PCDHA2: variants seen among roughly 807,000 people sequenced by gnomAD.
PCDHA2 encodes protocadherin alpha-2.
In PCDHA2, 58 loss-of-function variants were observed where a neutral mutation model predicts 66.0. The observed-to-expected ratio is 0.88, with a 90% confidence interval of 0.71 to 1.09. The LOEUF (loss-of-function observed/expected upper bound fraction) is 1.09, where lower values mean the gene tolerates loss of function less well. PCDHA2 is among the 50% of genes least tolerant of loss of function. The pLI, the probability that PCDHA2 is intolerant of heterozygous loss-of-function variation, is 0.00. For missense variants in PCDHA2, 1,267 were observed against 1,242.3 expected (o/e 1.02, Z -0.30); for synonymous variants, 634 against 554.0 (o/e 1.14, Z -2.03).
intron 1 of PCDHA2, among the ~76,000 whole-genome samples, chr5:140,832,941 C>T (rs1455354845): frequency 6.6e-6 from 1 of 152,044 alleles, no homozygotes; most frequent in Non-Finnish European, 1.5e-5. Flanking sequence ...AAGAGAGTAA[C>T]TTAAGTGAGT....
intron 1 of PCDHA2, chr5:140,861,340 C>T (rs1364602007): frequency 3.6e-6 from 1 of 276,532 alleles, no homozygotes; most frequent in African/African-American, 2.2e-5. Context: ...TGGAAGAGGC[C>T]AAGGACGGCA....
At chr5:140,850,010 G>C in intron 1 of PCDHA2, 1 of 1,597,002 alleles carries the variant, frequency 6.3e-7, no homozygotes. Flanking sequence ...GCTCGCTGTC[G>C]AGCTACGTGT....
At chr5:140,968,626 T>C in intron 1 of PCDHA2, 1 of 1,614,156 alleles carries the variant, frequency 6.2e-7, no homozygotes. Context: ...ATGCTTGGCT[T>C]TTTTACCATC....
intron 1 of PCDHA2, chr5:140,803,134 G>A (rs782496418): frequency 6.2e-7 from 1 of 1,613,802 alleles, no homozygotes; most frequent in South Asian, 1.1e-5. Context: ...CCGCGCCATC[G>A]CCTACTGGTG....
chr5:140,840,744 A>T (rs2150309255), intron 1 of PCDHA2, among the ~76,000 whole-genome samples: 1 of 152,224 alleles, frequency 6.6e-6, no homozygotes, highest in Non-Finnish European at 1.5e-5. Flanking sequence ...ATTTAACAAT[A>T]AGAACACAAG....
chr5:140,960,249 T>C (rs2095534563), intron 1 of PCDHA2, among the ~76,000 whole-genome samples: 1 of 152,210 alleles, frequency 6.6e-6, no homozygotes, highest in African/African-American at 2.4e-5. Flanking sequence ...AGAAGCTTCC[T>C]GGAGCTTCTG....
chr5:140,861,028 C>G (rs954598633), intron 1 of PCDHA2: 1 of 152,238 alleles, frequency 6.6e-6, no homozygotes, highest in African/African-American at 2.4e-5. Context: ...CGCACCCGGC[C>G]GAAAGGTATT....
chr5:140,803,374 C>T (rs2149969704), intron 1 of PCDHA2: 4 of 1,614,184 alleles, frequency 2.5e-6, no homozygotes, highest in Non-Finnish European at 3.4e-6. Flanking sequence ...TGCTCCGCGC[C>T]GCCAACCGAA....
At chr5:140,831,362 A>ATG (rs2150193991) in intron 1 of PCDHA2, 80,403 of 149,344 alleles carry the variant, frequency 0.54, 21,753 homozygotes, top group Middle Eastern at 0.63. Flanking sequence ...ACTATTTTGT[A>ATG]TGTGTGTGTG....
chr5:140,860,800 C>G (rs1270356784), intron 1 of PCDHA2: 1 of 152,198 alleles, frequency 6.6e-6, no homozygotes, highest in East Asian at 1.9e-4. Flanking sequence ...TGCAGTGGCA[C>G]GATCTCGGCT....
chr5:140,869,819 A>G, intron 1 of PCDHA2: 1 of 1,612,282 alleles, frequency 6.2e-7, no homozygotes, highest in Non-Finnish European at 8.5e-7. Context: ...AACGACAATG[A>G]TCCAGAGTTT....
intron 1 of PCDHA2, among the ~76,000 whole-genome samples, chr5:140,942,516 G>C (rs1172442572): frequency 2.0e-5 from 3 of 152,004 alleles, no homozygotes; most frequent in African/African-American, 7.3e-5. Flanking sequence ...AAACTCAGAG[G>C]GGAAGCAACT....
chr5:140,981,033 GA>G (rs148859655), intron 2 of PCDHA2, among the ~76,000 whole-genome samples: 2 of 151,612 alleles, frequency 1.3e-5, no homozygotes, highest in Admixed American at 6.6e-5. Flanking sequence ...AATATTTGGG[GA>G]AAAAAAACAG....
At chr5:140,848,529 C>T (rs2150412022) in intron 1 of PCDHA2, 7 of 1,594,446 alleles carry the variant, frequency 4.4e-6, no homozygotes, top group Non-Finnish European at 6.0e-6. Flanking sequence ...TCCAGAGGGT[C>T]AGCCTCTACT....
chr5:141,000,292 T>C (rs2097899521), intron 3 of PCDHA2, among the ~76,000 whole-genome samples: 1 of 149,730 alleles, frequency 6.7e-6, no homozygotes, highest in Non-Finnish European at 1.5e-5. Flanking sequence ...GGAATATTGC[T>C]TGAGGCCAGG....
chr5:140,842,222 G>A (rs1777807654), intron 1 of PCDHA2: 1 of 1,613,082 alleles, frequency 6.2e-7, no homozygotes, highest in Non-Finnish European at 8.5e-7. Context: ...AAATACGGGA[G>A]AAATAGTGAT....
At chr5:140,803,625 CTTTG>C in intron 1 of PCDHA2, 5 of 1,613,858 alleles carry the variant, frequency 3.1e-6, no homozygotes, top group Non-Finnish European at 4.2e-6. Flanking sequence ...TCCAAAATGT[CTTTG>C]TTTTTCATTC....
chr5:140,998,679 C>G (rs969303770), intron 3 of PCDHA2, among the ~76,000 whole-genome samples: 1 of 152,136 alleles, frequency 6.6e-6, no homozygotes, highest in Non-Finnish European at 1.5e-5. Flanking sequence ...ATTCTCCTGC[C>G]TCAGCCTCCC....
rs1554262759 is a variant in PCDHA2 at position 141,010,215 on chromosome 5, G to A, written c.*278G>A. ...CCTTTCTCCTCCGCCGCAAAGGAGA[G>A]GCTTCCCAGCCCCGCCAGTGAGAGG... On this transcript the variant is annotated 3_prime_UTR_variant, in exon 4 of 4. Transcript: ENST00000526136. The A allele has an allele frequency of 6.4e-7, 1 of 1,551,774 alleles. No homozygotes were observed. Among genetic ancestry groups the A allele is most frequent in the East Asian group, 2.4e-5 (1 of 40,918 alleles).
Sources: allele counts gnomAD v4.1 joint callset (sites outside exome capture counted in the v4.1 genomes callset), GRCh38; gene constraint gnomAD v4.1.1; transcripts MANE v1.5; gene names NCBI Gene and HGNC (gene_info 2026-07-23, HGNC 2026-07-21).